The following CADPS2 variants were observed in gnomAD, a reference collection of about 807,000 sequenced individuals.
The protein encoded by CADPS2 is calcium-dependent secretion activator 2.
A neutral mutation model predicts 172.5 loss-of-function variants in CADPS2; 93 were observed. The ratio of observed to expected loss-of-function variants is 0.54; its 90% CI spans 0.46 to 0.64. CADPS2 has a LOEUF of 0.64. Among genes scored for constraint, CADPS2 ranks in the 30% least tolerant of loss-of-function variants. CADPS2 has a pLI of 0.00. For synonymous variants in CADPS2, 546 were observed against 555.2 expected (o/e 0.98, Z 0.23); for missense variants, 1,420 against 1,565.9 (o/e 0.91, Z 1.57).
At chr7:122,672,605 C>G (rs1351431620) in intron 2 of CADPS2, among the ~76,000 whole-genome samples, 2 of 152,178 alleles carry the variant, frequency 1.3e-5, no homozygotes, top group Admixed American at 1.3e-4. Flanking sequence ...AGAATAGAGA[C>G]AGAATACTGG....
intron 25 of CADPS2, chr7:122,369,566 C>T (rs2041496778): frequency 6.6e-6 from 1 of 152,128 alleles, no homozygotes; most frequent in Non-Finnish European, 1.5e-5. Context: ...AATATTTTGA[C>T]CCCATATCCC....
intron 2 of CADPS2, among the ~76,000 whole-genome samples, chr7:122,721,623 G>C (rs2090414084): frequency 6.6e-6 from 1 of 152,044 alleles, no homozygotes; most frequent in Non-Finnish European, 1.5e-5. Context: ...AGGAGGAGCT[G>C]GTACCATTCC....
intron 2 of CADPS2, among the ~76,000 whole-genome samples, chr7:122,664,376 T>A (rs2080956613): frequency 6.6e-6 from 1 of 152,128 alleles, no homozygotes; most frequent in Non-Finnish European, 1.5e-5. Context: ...TGGAAAGCAA[T>A]ACCTCTAAGG....
intron 14 of CADPS2, among the ~76,000 whole-genome samples, chr7:122,453,846 C>T (rs1319277049): frequency 6.6e-6 from 1 of 152,128 alleles, no homozygotes; most frequent in Non-Finnish European, 1.5e-5. Flanking sequence ...TCAGGGGAAG[C>T]TCGCTTGTGT....
At chr7:122,702,822 G>A in intron 2 of CADPS2, 1 of 1,202,090 alleles carries the variant, frequency 8.3e-7, no homozygotes. Context: ...ACATAAAGAA[G>A]ATAGCTTGTT....
intron 1 of CADPS2, among the ~76,000 whole-genome samples, chr7:122,737,855 C>T (rs2092262625): frequency 1.3e-5 from 2 of 152,074 alleles, no homozygotes; most frequent in African/African-American, 2.4e-5. Context: ...GGAAGAAAGA[C>T]TGAAAAGACA....
intron 3 of CADPS2, among the ~76,000 whole-genome samples, chr7:122,635,627 G>C (rs2076998410): frequency 1.3e-5 from 2 of 152,074 alleles, no homozygotes. Flanking sequence ...TTTTATGGCT[G>C]CATAGTATTC....
intron 7 of CADPS2, among the ~76,000 whole-genome samples, chr7:122,574,904 C>T (rs774579034): frequency 2.6e-5 from 4 of 151,926 alleles, no homozygotes; most frequent in Non-Finnish European, 4.4e-5. Context: ...GATATCTTTA[C>T]GATGGAGAGA....
At chr7:122,480,368 A>C (rs1034616254) in intron 12 of CADPS2, among the ~76,000 whole-genome samples, 22 of 150,244 alleles carry the variant, frequency 1.5e-4, no homozygotes, top group African/African-American at 5.1e-4. Context: ...TTTATACTTC[A>C]TTCTAAAGCA....
chr7:122,667,934 G>C lies in CADPS2; in HGVS notation c.454-4365C>G, dbSNP rs377002793. The stretch of plus-strand genomic sequence containing the variant: ...CACTATAAGAGTGGGGGCCACGTGG[G>C]GGGAGGGAGGACTCTGGGCTGTATC... On this transcript the variant is annotated intron_variant, in intron 2 of 29. Coordinates refer to ENST00000449022, the MANE Select transcript of CADPS2 (RefSeq NM_017954.11). 9.9e-5 allele frequency among the ~76,000 whole-genome samples: 15 copies of C among 152,282 alleles called. No homozygotes were observed. The East Asian group carries it at 2.3e-3, about 24-fold the overall frequency.
intron 14 of CADPS2, among the ~76,000 whole-genome samples, chr7:122,459,165 G>A (rs752533269): frequency 2.0e-5 from 3 of 151,348 alleles, no homozygotes; most frequent in African/African-American, 4.9e-5. Context: ...TTGTTTTAAC[G>A]AACTGTAAGC....
intron 2 of CADPS2, among the ~76,000 whole-genome samples, chr7:122,669,949 A>G (rs1241498771): frequency 2.0e-5 from 3 of 150,184 alleles, no homozygotes; most frequent in Non-Finnish European, 3.0e-5. Context: ...ATCATTCCTG[A>G]CTCCTCACAT....
intron 29 of CADPS2, among the ~76,000 whole-genome samples, chr7:122,322,094 T>C (rs2032675775): frequency 6.6e-6 from 1 of 152,260 alleles, no homozygotes. Context: ...CATGGCATTA[T>C]TACCACAAAG....
intron 6 of CADPS2, among the ~76,000 whole-genome samples, chr7:122,602,972 G>T (rs1211198703): frequency 6.6e-6 from 1 of 152,028 alleles, no homozygotes; most frequent in Non-Finnish European, 1.5e-5. Flanking sequence ...GGAAGACATG[G>T]CTGCAAAATT....
At chr7:122,429,309 A>G (rs2049582611) in intron 17 of CADPS2, among the ~76,000 whole-genome samples, 1 of 149,080 alleles carries the variant, frequency 6.7e-6, no homozygotes, top group Admixed American at 6.8e-5. Flanking sequence ...CTAAGTTTCA[A>G]TTTGGTCCCT....
intron 14 of CADPS2, among the ~76,000 whole-genome samples, chr7:122,455,601 T>C (rs2053666752): frequency 6.6e-6 from 1 of 152,154 alleles, no homozygotes; most frequent in Non-Finnish European, 1.5e-5. Context: ...ATATATGCAA[T>C]ATAAAAATAT....
At chr7:122,697,634 T>C (rs890202874) in intron 2 of CADPS2, 2 of 623,264 alleles carry the variant, frequency 3.2e-6, no homozygotes, top group Non-Finnish European at 5.2e-6. Context: ...GCTAGGACTT[T>C]TTTGCTATCT....
intron 1 of CADPS2, among the ~76,000 whole-genome samples, chr7:122,867,801 T>C (rs1378571904): frequency 6.6e-6 from 1 of 152,152 alleles, no homozygotes; most frequent in Non-Finnish European, 1.5e-5. Context: ...TGGAAAGAGA[T>C]GGGAGGCCTC....
intron 9 of CADPS2, among the ~76,000 whole-genome samples, chr7:122,493,983 T>C (rs1333597250): frequency 6.6e-6 from 1 of 152,148 alleles, no homozygotes; most frequent in Non-Finnish European, 1.5e-5. Flanking sequence ...GGCTATAGTA[T>C]CCAGTTATTT....
Sources: gnomAD v4.1 joint callset for allele counts (sites outside exome capture counted in the v4.1 genomes callset) on GRCh38, gnomAD v4.1.1 for gene constraint, MANE v1.5 for transcripts, NCBI Gene and HGNC (gene_info 2026-07-23, HGNC 2026-07-21) for gene names.